Variants in GNA12 observed in about 807,000 individuals in gnomAD.
GNA12 encodes the protein G protein subunit alpha 12, also known as guanine nucleotide-binding protein subunit alpha-12.
GNA12 carries 9 observed loss-of-function variants against 26.0 expected under a neutral mutation model. The observed-to-expected ratio is 0.35, with a 90% CI of 0.21 to 0.60. The LOEUF (loss-of-function observed/expected upper bound fraction) is 0.60. Among genes scored for constraint, GNA12 ranks in the 20% least tolerant of loss-of-function variants. The pLI is 0.78. For missense variants in GNA12, 405 were observed against 525.8 expected (o/e 0.77, Z 2.25); for synonymous variants, 264 against 219.6 (o/e 1.20, Z -1.79).
chr7:2,789,174 C>T lies in GNA12; in HGVS notation c.525+5754G>A, dbSNP rs1213689620. Among the ~76,000 whole-genome samples, 9 of 94,782 alleles carry T rather than the reference C, an allele frequency of 9.5e-5. 1 individual carries two copies. Among genetic ancestry groups the T allele is most frequent in the African/African-American group, 3.4e-4 (8 of 23,214 alleles). The allele number at this position is 94,782 out of a possible 152,430, so 62.2% of individuals were successfully genotyped here. The stretch of plus-strand genomic sequence containing the variant: ...TTTTTGAGACGGAGTCTCGCTCTGT[C>T]GCCCAGGCTGGAGTGCAGTGGCGGG... On this transcript the variant is annotated intron_variant, in intron 2 of 3. Coordinates refer to ENST00000275364, the MANE Select transcript of GNA12 (RefSeq NM_007353.3).
chr7:2,812,321 T>G (rs1793100365), intron 1 of GNA12, among the ~76,000 whole-genome samples: 1 of 152,230 alleles, frequency 6.6e-6, no homozygotes, highest in Non-Finnish European at 1.5e-5. Context: ...TAGGCCTTGG[T>G]GCTTTGCTAA....
intron 1 of GNA12, among the ~76,000 whole-genome samples, chr7:2,807,493 C>A (rs1204769588): frequency 1.3e-5 from 2 of 151,444 alleles, no homozygotes; most frequent in Non-Finnish European, 2.9e-5. Flanking sequence ...ATCAAGAGAG[C>A]CTTGAATTTG....
At chr7:2,825,961 A>T (rs1793475708) in intron 1 of GNA12, among the ~76,000 whole-genome samples, 2 of 152,250 alleles carry the variant, frequency 1.3e-5, no homozygotes, top group South Asian at 4.1e-4. Context: ...CTCACCTCTT[A>T]GGGCGGCTAA....
At chr7:2,788,140 C>T (rs1255966831) in intron 2 of GNA12, among the ~76,000 whole-genome samples, 1 of 148,666 alleles carries the variant, frequency 6.7e-6, no homozygotes, top group Non-Finnish European at 1.5e-5. Context: ...GGCAACAGGG[C>T]GAGACTGTCT....
In GNA12 at chr7:2,777,741, C is replaced by T. The variant is rs184868332; in HGVS notation, c.525+17187G>A. Among the ~76,000 whole-genome samples the T allele has an allele frequency of 8.6e-4, 131 of 152,318 alleles. 3 individuals are homozygous for T. The highest frequency in any genetic ancestry group is 3.4e-4 in the Non-Finnish European group (23 of 68,030). ...CCTCTGAACTGTGAAAAATATATGTCTGTTTTCAAGCCACACAGTGTGTGG... is the reference window on the plus strand; with the variant it reads ...CCTCTGAACTGTGAAAAATATATGTTTGTTTTCAAGCCACACAGTGTGTGG... On this transcript the variant is annotated intron_variant, in intron 2 of 3. Coordinates refer to ENST00000275364, the MANE Select transcript of GNA12 (RefSeq NM_007353.3).
At chr7:2,814,303 G>A in intron 1 of GNA12, 1 of 1,479,408 alleles carries the variant, frequency 6.8e-7, no homozygotes. Flanking sequence ...TGAACGGAGT[G>A]AGACTCACCC....
chr7:2,728,714 A>G lies in GNA12; in HGVS notation c.*2467T>C, dbSNP rs759605593. 6.8e-5 allele frequency: 10 copies of G among 147,522 alleles called. No individual in the cohort carries two copies. Among genetic ancestry groups the G allele is most frequent in the Non-Finnish European group, 1.4e-4 (9 of 65,342 alleles). The allele number at this position is 147,522 out of a possible 1,614,324, so 9.1% of individuals were successfully genotyped here. A position where few individuals can be genotyped will look rare whatever the true frequency, so the allele number is the denominator to read the frequency against. The stretch of plus-strand genomic sequence containing the variant: ...TAAGGTTCTGGAGACAAAACTGACT[A>G]GAGTCTATGTGTAGCCAAGTTGTGA... On this transcript the variant is annotated 3_prime_UTR_variant, in exon 4 of 4. Coordinates refer to ENST00000275364, the MANE Select transcript of GNA12 (RefSeq NM_007353.3).
chr7:2,781,856 A>G (rs1792238756), intron 2 of GNA12, among the ~76,000 whole-genome samples: 1 of 152,222 alleles, frequency 6.6e-6, no homozygotes, highest in Non-Finnish European at 1.5e-5. Flanking sequence ...AATCAAAACC[A>G]CAATGAGGAA....
chr7:2,808,197 C>T (rs771099648), intron 1 of GNA12, among the ~76,000 whole-genome samples: 2 of 152,252 alleles, frequency 1.3e-5, no homozygotes, highest in Non-Finnish European at 2.9e-5. Flanking sequence ...AACATGTTTC[C>T]TTCTCACGCA....
rs117583173 is a variant in GNA12, at chr7:2,810,248, C to T, written c.310-15105G>A. On this transcript the variant is annotated intron_variant, in intron 1 of 3. Transcript: ENST00000275364. ...GAGGGCCCACTTTCTGGCTCCTAGA[C>T]GGTGATTTCTCACTGTGTCCTCAGA... Among the ~76,000 whole-genome samples, 716 of 152,236 alleles carry T rather than the reference C, an allele frequency of 4.7e-3. 6 individuals are homozygous for T. In the Middle Eastern group the frequency reaches 0.058, roughly 12 times the overall value.
intron 1 of GNA12, 113 bp downstream of exon 1, chr7:2,843,740 C>A: frequency 1.1e-5 from 5 of 474,354 alleles, no homozygotes. Flanking sequence ...CTGGATCCAG[C>A]ATCCTCGCCC....
At chr7:2,739,074 T>G (rs191961945) in intron 2 of GNA12, among the ~76,000 whole-genome samples, 1 of 152,346 alleles carries the variant, frequency 6.6e-6, no homozygotes, top group East Asian at 1.9e-4. Flanking sequence ...CCGCAGGGTG[T>G]GTCCTCGGCG....
chr7:2,737,281 T>C (rs1359174234), intron 2 of GNA12, among the ~76,000 whole-genome samples: 1 of 71,568 alleles, frequency 1.4e-5, no homozygotes. Flanking sequence ...TTTGTTTTTT[T>C]TTTTTTTGTT....
intron 1 of GNA12, 65 bp downstream of exon 1, chr7:2,843,788 C>T: frequency 1.1e-6 from 1 of 870,980 alleles, no homozygotes; most frequent in Non-Finnish European, 1.6e-6. Context: ...CACGGAGGGG[C>T]CCGGGGCGGG....
At chr7:2,776,324 A>C (rs1792074628) in intron 2 of GNA12, among the ~76,000 whole-genome samples, 1 of 152,180 alleles carries the variant, frequency 6.6e-6, no homozygotes, top group Admixed American at 6.5e-5. Flanking sequence ...AGTGCTATAG[A>C]AAGAACAGAA....
chr7:2,805,642 G>C (rs1192067926), intron 1 of GNA12, among the ~76,000 whole-genome samples: 1 of 152,218 alleles, frequency 6.6e-6, no homozygotes, highest in East Asian at 1.9e-4. Flanking sequence ...GGAGACTAGA[G>C]CCAGAGCTGA....
chr7:2,785,583 C>T (rs962946598), intron 2 of GNA12, among the ~76,000 whole-genome samples: 2 of 152,226 alleles, frequency 1.3e-5, no homozygotes, highest in African/African-American at 2.4e-5. Flanking sequence ...TTATTTCTGA[C>T]ATTGTGACTT....
chr7:2,731,317 C>T lies in GNA12; in HGVS notation c.1010G>A (p.Arg337Lys), dbSNP rs754346065. 7 of 1,614,006 alleles carry T rather than the reference C, an allele frequency of 4.3e-6. No individual in the cohort carries two copies. The highest frequency in any genetic ancestry group is 5.1e-6 in the Non-Finnish European group (6 of 1,179,986). ...VQRYLVQCFDRKRRNRSKPLF... is the reference protein window; with the variant it reads ...VQRYLVQCFDKKRRNRSKPLF... Reference sequence around the variant, plus strand: ...TGGCTTGCTGCGGTTCCGTCTCTTCCTGTCGAAGCACTGGACCAGGTAGCG... The same window carrying T: ...TGGCTTGCTGCGGTTCCGTCTCTTCTTGTCGAAGCACTGGACCAGGTAGCG... Residue 337 changes from arginine (R) to lysine (K), a missense_variant, in exon 4 of 4, where the codon AGG (arginine) becomes AAG (lysine). Transcript: ENST00000275364. The surrounding 1 kb of genome is among the most constrained non-coding windows in gnomAD (Gnocchi z 6.0).
intron 2 of GNA12, among the ~76,000 whole-genome samples, chr7:2,765,558 C>A (rs1374067390): frequency 1.3e-5 from 2 of 151,814 alleles, no homozygotes; most frequent in Non-Finnish European, 2.9e-5. Flanking sequence ...CTCCAACATT[C>A]AATTAAAGGT....
Sources: allele counts gnomAD v4.1 joint callset (sites outside exome capture counted in the v4.1 genomes callset), GRCh38; gene constraint gnomAD v4.1.1; non-coding constraint Gnocchi (gnomAD v3.1); transcripts MANE v1.5; gene names NCBI Gene and HGNC (gene_info 2026-07-23, HGNC 2026-07-21).